The following RABGEF1 variants were observed in gnomAD, a reference collection of about 807,000 sequenced individuals.
RABGEF1 encodes the protein RAB guanine nucleotide exchange factor 1, also known as rab5 GDP/GTP exchange factor.
Under a neutral mutation model 57.3 loss-of-function variants are expected in RABGEF1, and 26 were observed. That is an observed-to-expected ratio of 0.45 (90% CI 0.33 to 0.63). The LOEUF (loss-of-function observed/expected upper bound fraction) is 0.63. Ranked by LOEUF, RABGEF1 falls within the 20% of genes least tolerant of loss-of-function variation. RABGEF1 has a pLI of 0.02. For synonymous variants in RABGEF1, 185 were observed against 210.7 expected (o/e 0.88, Z 1.06); for missense variants, 464 against 607.6 (o/e 0.76, Z 2.48).
intron 1 of RABGEF1, chr7:66,712,036 A>G (rs893382952): frequency 4.6e-5 from 7 of 152,298 alleles, no homozygotes; most frequent in Admixed American, 1.3e-4. Context: ...GAGTCCTCCA[A>G]CTTTATTCTT....
At chr7:66,709,541 C>T (rs1794537288) in intron 1 of RABGEF1, among the ~76,000 whole-genome samples, 1 of 152,130 alleles carries the variant, frequency 6.6e-6, no homozygotes, top group Non-Finnish European at 1.5e-5. Context: ...GTAATCCCAG[C>T]ACTTTGTGAG....
intron 8 of RABGEF1, 70 bp downstream of exon 8, chr7:66,805,466 C>CAA (rs1788228882): frequency 5.0e-6 from 8 of 1,585,318 alleles, no homozygotes; most frequent in Non-Finnish European, 6.9e-6. Flanking sequence ...TGTGACAGGT[C>CAA]ACTTAGGCCC....
the RABGEF1 span, among the ~76,000 whole-genome samples, chr7:66,658,544 A>G: frequency 1.3e-5 from 2 of 151,932 alleles, no homozygotes; most frequent in African/African-American, 4.8e-5. Context: ...AAAAAAAAAA[A>G]AAAAAAAGAA....
chr7:66,681,840 C>CGCGGTGCCG (rs1391955793), upstream of RABGEF1, among the ~76,000 whole-genome samples: 1 of 152,204 alleles, frequency 6.6e-6, no homozygotes, highest in Non-Finnish European at 1.5e-5. Context: ...CAGGAGTCGC[C>CGCGGTGCCG]GCGGTGCCGG....
intron 1 of RABGEF1, among the ~76,000 whole-genome samples, chr7:66,687,389 G>A (rs1044424885): frequency 1.3e-5 from 2 of 151,014 alleles, no homozygotes; most frequent in East Asian, 1.9e-4. Flanking sequence ...GCCTCCCAGA[G>A]TGCTGAGATT....
At chr7:66,704,462 T>C (rs1242743382) in intron 1 of RABGEF1, among the ~76,000 whole-genome samples, 3 of 152,146 alleles carry the variant, frequency 2.0e-5, no homozygotes, top group African/African-American at 7.2e-5. Context: ...TTTTCCCAAG[T>C]GGTTGTATCA....
In RABGEF1 at chr7:66,703,979, G is replaced by T. The variant is rs1031647724; in HGVS notation, c.-872-8188G>T. Among the ~76,000 whole-genome samples the T allele has an allele frequency of 7.2e-5, 11 of 152,270 alleles. 1 individual carries two copies. The highest frequency in any genetic ancestry group is 3.9e-4 in the Admixed American group (6 of 15,284). On this transcript the variant is annotated intron_variant and NMD_transcript_variant, in intron 1 of 9. Coordinates refer to the RABGEF1 transcript ENST00000607882. ...CTTTAATCTCTTTCAACAATGTTGT[G>T]TACTTTTCAGCACACAAGTCTTGCA...
intron 2 of RABGEF1, chr7:66,773,977 A>G (rs1025431261): frequency 3.3e-5 from 12 of 358,616 alleles, no homozygotes; most frequent in African/African-American, 2.6e-4. Flanking sequence ...GTGTTTGGGA[A>G]TTAATACAGG....
chr7:66,666,274 A>G, the RABGEF1 span: 2 of 152,186 alleles, frequency 1.3e-5, no homozygotes, highest in African/African-American at 4.8e-5. Context: ...GAGTCTCTCC[A>G]GTTGTGCTTA....
intron 1 of RABGEF1, among the ~76,000 whole-genome samples, chr7:66,693,433 G>A (rs2659911): frequency 0.1 from 15,668 of 152,144 alleles, 987 homozygotes; most frequent in South Asian, 0.2. Flanking sequence ...CCTGGCTCAG[G>A]GTGAGAAGGT....
At chr7:66,750,696 C>T (rs927174783) in intron 1 of RABGEF1, among the ~76,000 whole-genome samples, 1 of 152,158 alleles carries the variant, frequency 6.6e-6, no homozygotes, top group Non-Finnish European at 1.5e-5. Flanking sequence ...GGTTAAGGTT[C>T]TTAGATTCTG....
At chr7:66,730,189 C>G (rs1304765766) in intron 2 of RABGEF1, among the ~76,000 whole-genome samples, 1 of 152,216 alleles carries the variant, frequency 6.6e-6, no homozygotes, top group Non-Finnish European at 1.5e-5. Context: ...CCACAGGCTC[C>G]TGTCCCCTGA....
chr7:66,795,677 G>C (rs113807169), intron 5 of RABGEF1, 85 bp downstream of exon 5: 15 of 1,291,092 alleles, frequency 1.2e-5, no homozygotes, highest in African/African-American at 1.0e-4. Flanking sequence ...TTTCTCTGAT[G>C]GTCTGGCTGG....
At chr7:66,793,538 A>G (rs547156365) in intron 4 of RABGEF1, among the ~76,000 whole-genome samples, 1 of 152,356 alleles carries the variant, frequency 6.6e-6, no homozygotes, top group African/African-American at 2.4e-5. Flanking sequence ...AAGAATGAAT[A>G]TAGTTTCTTC....
chr7:66,794,110 G>T (rs1813413799), intron 4 of RABGEF1, among the ~76,000 whole-genome samples: 1 of 151,796 alleles, frequency 6.6e-6, no homozygotes, highest in South Asian at 2.1e-4. Flanking sequence ...GTTAGAGACA[G>T]ATGTATGGGC....
intron 1 of RABGEF1, among the ~76,000 whole-genome samples, chr7:66,759,256 C>T (rs1371676234): frequency 1.3e-5 from 2 of 152,156 alleles, no homozygotes; most frequent in African/African-American, 2.4e-5. Context: ...TGGTTTGTTA[C>T]AGTGAGGGGA....
the RABGEF1 span, among the ~76,000 whole-genome samples, chr7:66,667,879 C>T: frequency 6.6e-6 from 1 of 152,164 alleles, no homozygotes; most frequent in African/African-American, 2.4e-5. Context: ...CTCACTGCAA[C>T]CTCTACCTCC....
chr7:66,709,424 T>C (rs574321005), intron 1 of RABGEF1, among the ~76,000 whole-genome samples: 1 of 152,314 alleles, frequency 6.6e-6, no homozygotes, highest in South Asian at 2.1e-4. Flanking sequence ...AGCATCACTA[T>C]AACTAGTGCT....
chr7:66,747,584 G>A (rs1346986595), intron 1 of RABGEF1, among the ~76,000 whole-genome samples: 1 of 152,108 alleles, frequency 6.6e-6, no homozygotes, highest in Admixed American at 6.5e-5. Flanking sequence ...ATAATTTTCT[G>A]TGTGCTTTGC....
Sources: gnomAD v4.1 joint callset for allele counts (sites outside exome capture counted in the v4.1 genomes callset) on GRCh38, gnomAD v4.1.1 for gene constraint, MANE v1.5 for transcripts, NCBI Gene and HGNC (gene_info 2026-07-23, HGNC 2026-07-21) for gene names.